Variants in ZCWPW2 observed in about 807,000 individuals in gnomAD.
The protein encoded by ZCWPW2 is zinc finger CW-type and PWWP domain containing 2.
ZCWPW2 carries 45 observed loss-of-function variants against 46.6 expected under a neutral mutation model. That is an observed-to-expected ratio of 0.96 (90% CI 0.76 to 1.24). The LOEUF (loss-of-function observed/expected upper bound fraction) is 1.24. ZCWPW2 is among the 50% of genes most tolerant of loss of function. The probability of loss-of-function intolerance (pLI) is 0.00; values close to 1 mark genes in which losing one functional copy is unlikely to be tolerated. For synonymous variants in ZCWPW2, 152 were observed against 137.1 expected (o/e 1.11, Z -0.76); for missense variants, 429 against 403.9 (o/e 1.06, Z -0.53).
At chr3:28,373,934 C>G (rs918868661) in intron 1 of ZCWPW2, among the ~76,000 whole-genome samples, 1 of 152,118 alleles carries the variant, frequency 6.6e-6, no homozygotes, top group Non-Finnish European at 1.5e-5. Flanking sequence ...AATATTTTCT[C>G]TCATTCTGTA....
intron 4 of ZCWPW2, among the ~76,000 whole-genome samples, chr3:28,441,182 C>G (rs1430040197): frequency 6.6e-6 from 1 of 152,208 alleles, no homozygotes; most frequent in Non-Finnish European, 1.5e-5. Flanking sequence ...TGAAATCCTT[C>G]TTTTCTGGCG....
At chr3:28,388,435 G>C (rs572819132) in intron 1 of ZCWPW2, among the ~76,000 whole-genome samples, 109 of 152,206 alleles carry the variant, frequency 7.2e-4, no homozygotes, top group Non-Finnish European at 1.2e-3. Flanking sequence ...CAACTATGTT[G>C]CATACAACTG....
intron 1 of ZCWPW2, among the ~76,000 whole-genome samples, chr3:28,356,041 C>T (rs576694085): frequency 2.0e-5 from 3 of 152,200 alleles, no homozygotes; most frequent in African/African-American, 7.2e-5. Flanking sequence ...GCAAAAGAAA[C>T]TACCATCACA....
chr3:28,506,101 TA>T (rs1700269382), intron 6 of ZCWPW2, among the ~76,000 whole-genome samples: 1 of 147,252 alleles, frequency 6.8e-6, no homozygotes, highest in Non-Finnish European at 1.5e-5. Context: ...ATATAATATA[TA>T]ATATATATAT....
chr3:28,443,583 C>T (rs898299549), intron 4 of ZCWPW2, among the ~76,000 whole-genome samples: 1 of 152,214 alleles, frequency 6.6e-6, no homozygotes, highest in Non-Finnish European at 1.5e-5. Context: ...GAGCTCTACA[C>T]AAGTCAGACT....
chr3:28,414,311 G>T (rs948111086), intron 3 of ZCWPW2, among the ~76,000 whole-genome samples: 1 of 150,060 alleles, frequency 6.7e-6, no homozygotes, highest in Admixed American at 6.7e-5. Flanking sequence ...TTTTTCATTA[G>T]TCATGTTTCT....
At chr3:28,491,573 G>T (rs1332468393) in intron 5 of ZCWPW2, among the ~76,000 whole-genome samples, 8 of 151,942 alleles carry the variant, frequency 5.3e-5, no homozygotes, top group Non-Finnish European at 1.2e-4. Flanking sequence ...AATGGAGACG[G>T]CAGACATTCT....
chr3:28,362,523 A>T (rs1575047723), intron 1 of ZCWPW2, among the ~76,000 whole-genome samples: 1 of 152,190 alleles, frequency 6.6e-6, no homozygotes, highest in East Asian at 1.9e-4. Flanking sequence ...CCACAATGAG[A>T]TACAATCTCC....
chr3:28,506,526 G>A (rs1015728564), intron 6 of ZCWPW2, among the ~76,000 whole-genome samples: 3 of 152,022 alleles, frequency 2.0e-5, no homozygotes, highest in South Asian at 2.1e-4. Context: ...CCTGTAGTGG[G>A]TTGAATAGTG....
chr3:28,390,450 G>T (rs746058099), intron 1 of ZCWPW2, 48 bp from the exon 2 acceptor site: 339 of 970,866 alleles, frequency 3.5e-4, no homozygotes, highest in Non-Finnish European at 4.1e-4. Flanking sequence ...TAAAAATGTG[G>T]GTATTATATA....
intron 1 of ZCWPW2, among the ~76,000 whole-genome samples, chr3:28,373,419 C>G (rs569505605): frequency 6.6e-6 from 1 of 151,346 alleles, no homozygotes; most frequent in South Asian, 2.1e-4. Context: ...GATGTTGAGC[C>G]TTTTTTCATA....
chr3:28,413,240 T>C lies in ZCWPW2; in HGVS notation c.172T>C (p.Trp58Arg), dbSNP rs1375681339. ...AGCCAAGGTTGATCATGATGAACCA[T>C]GGTACTGCTTCATGAACACTGATTC... Reference protein sequence around the residue: ...DSAKVDHDEPWYCFMNTDSRY... With the variant: ...DSAKVDHDEPRYCFMNTDSRY... The change falls in exon 3 of 10, where the codon TGG becomes CGG. Residue 58 changes from tryptophan to arginine, a missense_variant. Physicochemically the swap from Trp to Arg is moderately radical, Grantham distance 101. Transcript: ENST00000383768. 6.2e-7 allele frequency: 1 copy of C among 1,613,394 alleles called. No individual in the cohort carries two copies. Among genetic ancestry groups the C allele is most frequent in the Non-Finnish European group, 8.5e-7 (1 of 1,179,534 alleles).
chr3:28,492,500 G>T (rs35825908), intron 6 of ZCWPW2, among the ~76,000 whole-genome samples: 30,877 of 151,852 alleles, frequency 0.2, 3,562 homozygotes, highest in Middle Eastern at 0.29. Context: ...ACTCTAATGT[G>T]TATACACAAT....
intron 6 of ZCWPW2, among the ~76,000 whole-genome samples, chr3:28,493,112 G>GTTTTTTTT (rs1699873828): frequency 1.1e-5 from 1 of 92,368 alleles, no homozygotes; most frequent in African/African-American, 4.2e-5. Context: ...TTTTTTTTCT[G>GTTTTTTTT]GTTTATCTTT....
intron 3 of ZCWPW2, among the ~76,000 whole-genome samples, chr3:28,425,033 T>A (rs1444127855): frequency 6.6e-6 from 1 of 152,168 alleles, no homozygotes; most frequent in Admixed American, 6.5e-5. Context: ...ACTCAAAAAA[T>A]TGATTTTTTT....
intron 9 of ZCWPW2, among the ~76,000 whole-genome samples, chr3:28,523,506 A>C (rs2125841097): frequency 6.6e-6 from 1 of 152,270 alleles, no homozygotes; most frequent in African/African-American, 2.4e-5. Context: ...GCCTCTTATA[A>C]GTTAAGTACT....
At chr3:28,462,522 G>A (rs1698678420) in intron 4 of ZCWPW2, among the ~76,000 whole-genome samples, 4 of 152,196 alleles carry the variant, frequency 2.6e-5, no homozygotes. Flanking sequence ...GCCCCAAAAT[G>A]ACAGAGATCA....
At chr3:28,411,928 A>T (rs977444387) in intron 2 of ZCWPW2, among the ~76,000 whole-genome samples, 1 of 152,054 alleles carries the variant, frequency 6.6e-6, no homozygotes, top group Admixed American at 6.6e-5. Context: ...TCTTTTTAAA[A>T]TTTATTTTAT....
At chr3:28,417,385 C>T (rs1251955771) in intron 3 of ZCWPW2, among the ~76,000 whole-genome samples, 3 of 152,006 alleles carry the variant, frequency 2.0e-5, no homozygotes, top group South Asian at 2.1e-4. Flanking sequence ...AGTTTAGCAA[C>T]CAAAAAAAGT....
Sources: gnomAD v4.1 joint callset for allele counts (sites outside exome capture counted in the v4.1 genomes callset) on GRCh38, gnomAD v4.1.1 for gene constraint, MANE v1.5 for transcripts, NCBI Gene and HGNC (gene_info 2026-07-23, HGNC 2026-07-21) for gene names.